Variants in SLC4A4 observed in about 807,000 individuals in gnomAD.
SLC4A4 encodes electrogenic sodium bicarbonate cotransporter 1.
Under a neutral mutation model 111.5 loss-of-function variants are expected in SLC4A4, and 27 were observed. That is an observed-to-expected ratio of 0.24 (90% CI 0.18 to 0.33). The LOEUF (loss-of-function observed/expected upper bound fraction) is 0.33. Ranked by LOEUF, SLC4A4 falls within the 10% of genes least tolerant of loss-of-function variation. SLC4A4 has a pLI of 1.00. For synonymous variants in SLC4A4, 443 were observed against 463.4 expected, an observed-to-expected ratio of 0.96 and a Z score of 0.57; for missense variants, 909 against 1,315.5, an observed-to-expected ratio of 0.69 and a Z score of 4.78.
At chr4:71,092,436 A>G (rs1742414680) in intron 1 of SLC4A4, among the ~76,000 whole-genome samples, 4 of 152,216 alleles carry the variant, frequency 2.6e-5, no homozygotes, top group Admixed American at 1.3e-4. Flanking sequence ...GAATTAGTAG[A>G]TAAATTTATA....
At chr4:71,107,932 T>G (rs1279081783) in intron 2 of SLC4A4, among the ~76,000 whole-genome samples, 1 of 152,142 alleles carries the variant, frequency 6.6e-6, no homozygotes, top group Admixed American at 6.6e-5. Flanking sequence ...CATTTCCTTT[T>G]GCATATACTA....
At chr4:71,098,977 C>T (rs1742638355) in intron 2 of SLC4A4, among the ~76,000 whole-genome samples, 2 of 152,094 alleles carry the variant, frequency 1.3e-5, no homozygotes, top group Non-Finnish European at 2.9e-5. Flanking sequence ...TGGAGACCTA[C>T]AAAGAAACTT....
At chr4:71,446,817 A>G (rs899403974) in intron 8 of SLC4A4, among the ~76,000 whole-genome samples, 1 of 151,914 alleles carries the variant, frequency 6.6e-6, no homozygotes, top group South Asian at 2.1e-4. Context: ...TTTTTTGTAA[A>G]TTTTTTCTTA....
intron 1 of SLC4A4, among the ~76,000 whole-genome samples, chr4:71,217,009 C>G (rs1291790667): frequency 6.6e-6 from 1 of 152,158 alleles, no homozygotes; most frequent in Non-Finnish European, 1.5e-5. Flanking sequence ...GAGTTGGTAA[C>G]TTGAATTACA....
intron 15 of SLC4A4, among the ~76,000 whole-genome samples, chr4:71,496,075 AG>A (rs1354276788): frequency 2.6e-5 from 4 of 152,110 alleles, no homozygotes; most frequent in Non-Finnish European, 5.9e-5. Flanking sequence ...TTATTAAGCA[AG>A]GGGATGAGCA....
chr4:71,401,644 T>C (rs1720372632), intron 7 of SLC4A4, among the ~76,000 whole-genome samples: 1 of 152,192 alleles, frequency 6.6e-6, no homozygotes, highest in Non-Finnish European at 1.5e-5. Context: ...TTAGTTACAG[T>C]TTTCATGTGA....
chr4:71,238,647 A>G (rs1412327279), intron 2 of SLC4A4, among the ~76,000 whole-genome samples: 1 of 152,156 alleles, frequency 6.6e-6, no homozygotes, highest in Non-Finnish European at 1.5e-5. Context: ...TGAGCCCCAT[A>G]AGAAGATTGC....
chr4:71,403,141 T>C (rs1449184441), intron 7 of SLC4A4, among the ~76,000 whole-genome samples: 1 of 152,174 alleles, frequency 6.6e-6, no homozygotes, highest in African/African-American at 2.4e-5. Context: ...TAAACTGAAG[T>C]AGATGATCCT....
At chr4:71,493,653 C>T (rs1730138983) in intron 15 of SLC4A4, among the ~76,000 whole-genome samples, 4 of 151,718 alleles carry the variant, frequency 2.6e-5, no homozygotes. Flanking sequence ...CTGTCTTTCT[C>T]TCTCTCTCTT....
chr4:71,099,329 A>G (rs760947336), intron 2 of SLC4A4, among the ~76,000 whole-genome samples: 3 of 152,362 alleles, frequency 2.0e-5, no homozygotes, highest in Non-Finnish European at 4.4e-5. Context: ...ATGGAAATTA[A>G]GCAACATGCT....
intron 2 of SLC4A4, among the ~76,000 whole-genome samples, chr4:71,112,390 G>T (rs1452856080): frequency 3.3e-5 from 5 of 152,050 alleles, no homozygotes; most frequent in African/African-American, 1.2e-4. Context: ...AATATAGTCG[G>T]GTTAATTAGC....
At chr4:71,188,405 C>T (rs1745588569) in intron 1 of SLC4A4, among the ~76,000 whole-genome samples, 1 of 152,120 alleles carries the variant, frequency 6.6e-6, no homozygotes, top group Admixed American at 6.5e-5. Context: ...TGAAGAGCAG[C>T]GACCCCTTTG....
intron 2 of SLC4A4, among the ~76,000 whole-genome samples, chr4:71,139,920 TCTG>T (rs1743950355): frequency 6.6e-6 from 1 of 151,672 alleles, no homozygotes; most frequent in Non-Finnish European, 1.5e-5. Flanking sequence ...GTCACCCTAT[TCTG>T]CTATTTAATA....
rs1335123277 is a variant in SLC4A4, at chr4:71,569,502, A to T, written c.*1751A>T. 1 of 151,702 alleles carries T rather than the reference A, an allele frequency of 6.6e-6. No individual in the cohort carries two copies. Among genetic ancestry groups the T allele is most frequent in the East Asian group, 1.9e-4 (1 of 5,148 alleles). The allele number at this position is 151,702 out of a possible 1,614,324, so 9.4% of individuals were successfully genotyped here. On this transcript the variant is annotated 3_prime_UTR_variant, in exon 26 of 26. Coordinates refer to ENST00000264485, the MANE Select transcript of SLC4A4 (RefSeq NM_001098484.3). ...TGAAAATTAGACATTTATTAACCAA[A>T]TTTAACGTGGTATTTAAAGGTAATA...
chr4:71,399,046 C>G (rs1403014246), intron 7 of SLC4A4, among the ~76,000 whole-genome samples: 1 of 152,064 alleles, frequency 6.6e-6, no homozygotes, highest in African/African-American at 2.4e-5. Context: ...TACATCATAG[C>G]AACTGTTTAC....
chr4:71,225,913 A>G (rs1408247615), intron 1 of SLC4A4, among the ~76,000 whole-genome samples: 1 of 152,268 alleles, frequency 6.6e-6, no homozygotes, highest in Non-Finnish European at 1.5e-5. Flanking sequence ...GCTAATTACT[A>G]CAAATAATTT....
intron 3 of SLC4A4, among the ~76,000 whole-genome samples, chr4:71,280,181 A>C (rs887676943): frequency 6.6e-6 from 1 of 152,174 alleles, no homozygotes; most frequent in Non-Finnish European, 1.5e-5. Flanking sequence ...GATGTTGAAC[A>C]TTTTCAGATA....
intron 1 of SLC4A4, among the ~76,000 whole-genome samples, chr4:71,079,797 G>T (rs1578457853): frequency 1.3e-5 from 2 of 149,776 alleles, no homozygotes; most frequent in East Asian, 2.0e-4. Context: ...AAGATGTAAA[G>T]AAAATGCTAT....
chr4:71,544,317 A>G (rs1307449036), intron 18 of SLC4A4, among the ~76,000 whole-genome samples: 2 of 152,052 alleles, frequency 1.3e-5, no homozygotes, highest in Non-Finnish European at 2.9e-5. Context: ...AGTAGAGGTT[A>G]TTCCGGGTAG....
Sources: allele counts gnomAD v4.1 joint callset (sites outside exome capture counted in the v4.1 genomes callset), GRCh38; gene constraint gnomAD v4.1.1; transcripts MANE v1.5; gene names NCBI Gene and HGNC (gene_info 2026-07-23, HGNC 2026-07-21).